The following LZTS1 variants were observed in gnomAD, a reference collection of about 807,000 sequenced individuals.
LZTS1 encodes leucine zipper tumor suppressor 1.
Under a neutral mutation model 45.8 loss-of-function variants are expected in LZTS1, and 31 were observed. The observed-to-expected ratio is 0.68, with a 90% confidence interval of 0.51 to 0.91. LZTS1 has a LOEUF of 0.91. Among genes scored for constraint, LZTS1 ranks in the 40% least tolerant of loss-of-function variants. The pLI is 0.00. For synonymous variants in LZTS1, 359 were observed against 357.3 expected (o/e 1.00, Z -0.05); for missense variants, 821 against 788.9 (o/e 1.04, Z -0.49).
chr8:20,268,468 G>C (rs1032537865), intron 1 of LZTS1, among the ~76,000 whole-genome samples: 2 of 151,648 alleles, frequency 1.3e-5, no homozygotes, highest in Admixed American at 6.6e-5. Flanking sequence ...TCCTCCTCCT[G>C]TTTGTATTCC....
rs963114850 is a variant in LZTS1 at position 20,303,922 on chromosome 8, G to A, written c.-317C>T. 1.0e-6 allele frequency: 1 copy of A among 983,800 alleles called. No individual in the cohort carries two copies. The highest frequency in any genetic ancestry group is 5.2e-4 in the Middle Eastern group (1 of 1,912). 60.9% of individuals were successfully genotyped at this position (983,800 alleles called of 1,614,324 possible). ...AGAGAAACTTTCGGCCTCCCCGCCC[G>A]GCCGCTGCCAACCCGCCAGCTCCAG... On this transcript the variant is annotated 5_prime_UTR_variant, in exon 1 of 4. Transcript: ENST00000381569.
In LZTS1 at chr8:20,293,489, A is replaced by G. The variant is rs375526256; in HGVS notation, c.-135+10251T>C. Reference sequence around the variant, plus strand: ...AGACTCGGTGCTGATTCTGTTTTGTAGAATGATGTTTTTCTGGATGTTTTG... The same window carrying G: ...AGACTCGGTGCTGATTCTGTTTTGTGGAATGATGTTTTTCTGGATGTTTTG... On this transcript the variant is annotated intron_variant, in intron 1 of 3. Coordinates refer to ENST00000381569, the MANE Select transcript of LZTS1 (RefSeq NM_021020.5). 9.7e-4 allele frequency among the ~76,000 whole-genome samples: 148 copies of G among 152,234 alleles called. 1 individual carries two copies. Among genetic ancestry groups the G allele is most frequent in the South Asian group, 8.9e-3 (43 of 4,818 alleles).
At chr8:20,290,848 G>GA (rs1800888904) in intron 1 of LZTS1, among the ~76,000 whole-genome samples, 1 of 152,228 alleles carries the variant, frequency 6.6e-6, no homozygotes, top group Non-Finnish European at 1.5e-5. Flanking sequence ...AAGGAAAGGA[G>GA]AATAACCCCA....
At chr8:20,271,075 C>T (rs1040841136) in intron 1 of LZTS1, among the ~76,000 whole-genome samples, 2 of 152,054 alleles carry the variant, frequency 1.3e-5, no homozygotes, top group Non-Finnish European at 2.9e-5. Flanking sequence ...TTTGTGTGCT[C>T]AACAGCATGG....
Position 20,253,656 on chromosome 8 carries a change from C to A in LZTS1, c.346-71G>T, listed in dbSNP as rs558813210. 52 of 1,265,646 alleles carry A rather than the reference C, an allele frequency of 4.1e-5. No individual in the cohort carries two copies. The African/African-American group carries it at 6.8e-4, about 16-fold the overall frequency. 78.4% of individuals were successfully genotyped at this position (1,265,646 alleles called of 1,614,324 possible). On this transcript the variant is annotated intron_variant, in intron 2 of 3. Coordinates refer to ENST00000381569, the MANE Select transcript of LZTS1 (RefSeq NM_021020.5). The stretch of plus-strand genomic sequence containing the variant: ...GCATTGCACCCTCCCTCCCCAGGCA[C>A]GCGTGCCGACCTTGAGCCAGTCTGG...
chr8:20,283,856 A>G (rs1477302383), intron 1 of LZTS1, among the ~76,000 whole-genome samples: 1 of 152,204 alleles, frequency 6.6e-6, no homozygotes, highest in Non-Finnish European at 1.5e-5. Context: ...CCTAATGTGC[A>G]TCCTGCCTGC....
intron 3 of LZTS1, among the ~76,000 whole-genome samples, chr8:20,251,360 G>A (rs1001751283): frequency 2.6e-5 from 4 of 151,784 alleles, no homozygotes; most frequent in African/African-American, 4.8e-5. Flanking sequence ...TCCCAAGCAC[G>A]CATCCTGGGT....
At chr8:20,266,116 A>C (rs1258356255) in intron 1 of LZTS1, among the ~76,000 whole-genome samples, 1 of 151,982 alleles carries the variant, frequency 6.6e-6, no homozygotes, top group African/African-American at 2.4e-5. Flanking sequence ...TCAACCTCCA[A>C]GGCTCAAGAG....
At chr8:20,260,285 G>A (rs1800199406) in intron 1 of LZTS1, among the ~76,000 whole-genome samples, 1 of 152,144 alleles carries the variant, frequency 6.6e-6, no homozygotes, top group Non-Finnish European at 1.5e-5. Flanking sequence ...CTGGAGTGCA[G>A]TGGCATAATC....
intron 1 of LZTS1, among the ~76,000 whole-genome samples, chr8:20,281,259 C>T (rs1800686251): frequency 1.3e-5 from 2 of 151,936 alleles, no homozygotes; most frequent in South Asian, 2.1e-4. Flanking sequence ...GGGGTGGATC[C>T]CTCAAGAATG....
rs201620895 is a variant in LZTS1, at chr8:20,281,286, AC to A, written c.-135+22453del. On this transcript the variant is annotated intron_variant, in intron 1 of 3. Coordinates refer to ENST00000381569, the MANE Select transcript of LZTS1 (RefSeq NM_021020.5). ...TCAAGAATGGCTTAGTGGCCTGGAC[AC>A]GGTGGCTCACGCCTGTAATCCCAGC... Among the ~76,000 whole-genome samples the A allele has an allele frequency of 4.7e-3, 722 of 152,162 alleles. 23 individuals carry two copies. The highest frequency in any genetic ancestry group is 0.042 in the Admixed American group (642 of 15,278).
chr8:20,270,801 G>GTCC (rs1800457546), intron 1 of LZTS1, among the ~76,000 whole-genome samples: 1 of 123,832 alleles, frequency 8.1e-6, no homozygotes, highest in Non-Finnish European at 1.6e-5. Flanking sequence ...TGTGTCCTCT[G>GTCC]TGTGTGTGTG....
chr8:20,252,644 G>A (rs1799958471), intron 3 of LZTS1, 138 bp downstream of exon 3: 1 of 611,876 alleles, frequency 1.6e-6, no homozygotes. Flanking sequence ...CCCCTTCTTT[G>A]GGTGATAAAG....
At chr8:20,281,158 A>C (rs1800684472) in intron 1 of LZTS1, among the ~76,000 whole-genome samples, 1 of 152,202 alleles carries the variant, frequency 6.6e-6, no homozygotes, top group African/African-American at 2.4e-5. Context: ...GGGAGAGGAT[A>C]TCATTTGGAT....
intron 1 of LZTS1, among the ~76,000 whole-genome samples, chr8:20,282,381 A>G (rs145364421): frequency 6.6e-6 from 1 of 152,338 alleles, no homozygotes; most frequent in African/African-American, 2.4e-5. Flanking sequence ...GCCATGTGGA[A>G]AACAGTAGAA....
At chr8:20,257,656 G>A (rs917460628) in intron 1 of LZTS1, among the ~76,000 whole-genome samples, 16 of 148,516 alleles carry the variant, frequency 1.1e-4, no homozygotes, top group African/African-American at 3.7e-4. Context: ...CTAATTCTAA[G>A]ACACCCTTAA....
intron 1 of LZTS1, among the ~76,000 whole-genome samples, chr8:20,287,818 T>TG (rs1800818251): frequency 7.8e-6 from 1 of 128,070 alleles, no homozygotes; most frequent in African/African-American, 3.1e-5. Flanking sequence ...CCTAGCTACT[T>TG]GGGGGGCTGA....
intron 1 of LZTS1, among the ~76,000 whole-genome samples, chr8:20,261,667 C>A (rs1351974851): frequency 2.6e-5 from 4 of 152,240 alleles, no homozygotes; most frequent in Non-Finnish European, 5.9e-5. Flanking sequence ...AAGTGTCTTT[C>A]TGGATGCAGA....
chr8:20,279,389 G>C (rs1189158351), intron 1 of LZTS1, among the ~76,000 whole-genome samples: 1 of 152,218 alleles, frequency 6.6e-6, no homozygotes. Context: ...AGATGTGTTA[G>C]TGGGCTGGTG....
Sources: allele counts gnomAD v4.1 joint callset (sites outside exome capture counted in the v4.1 genomes callset), GRCh38; gene constraint gnomAD v4.1.1; transcripts MANE v1.5; gene names NCBI Gene and HGNC (gene_info 2026-07-23, HGNC 2026-07-21).